The following CTNNA2 variants were observed in gnomAD, a reference collection of about 807,000 sequenced individuals.
CTNNA2 encodes catenin alpha 2.
A neutral mutation model predicts 101.0 loss-of-function variants in CTNNA2; 42 were observed. The ratio of observed to expected loss-of-function variants is 0.42; its 90% CI spans 0.32 to 0.54. The LOEUF is 0.54. Among genes scored for constraint, CTNNA2 ranks in the 20% least tolerant of loss-of-function variants. CTNNA2 has a pLI of 0.14. For synonymous variants in CTNNA2, 450 were observed against 456.4 expected (o/e 0.99, Z 0.18); for missense variants, 871 against 1,223.1 (o/e 0.71, Z 4.29).
chr2:80,448,799 T>G (rs535047268), intron 9 of CTNNA2, among the ~76,000 whole-genome samples: 2 of 152,280 alleles, frequency 1.3e-5, no homozygotes, highest in Admixed American at 1.3e-4. Flanking sequence ...TCAGAAAACC[T>G]GGAACCTAAA....
At chr2:80,465,066 G>A (rs990375026) in intron 9 of CTNNA2, among the ~76,000 whole-genome samples, 2 of 152,180 alleles carry the variant, frequency 1.3e-5, no homozygotes, top group African/African-American at 4.8e-5. Context: ...TGGGATGAGA[G>A]CTACTCAAAA....
At chr2:80,618,145 A>G (rs888821538) in intron 17 of CTNNA2, among the ~76,000 whole-genome samples, 3 of 151,872 alleles carry the variant, frequency 2.0e-5, no homozygotes, top group Admixed American at 6.6e-5. Flanking sequence ...TACTATTCTC[A>G]TGCCTTTTCT....
intron 4 of CTNNA2, among the ~76,000 whole-genome samples, chr2:79,425,220 G>A (rs1678580866): frequency 6.6e-6 from 1 of 152,156 alleles, no homozygotes; most frequent in South Asian, 2.1e-4. Context: ...AGCAGTGGAT[G>A]ATTCAAAGGC....
chr2:79,211,647 C>T (rs1238936647), intron 2 of CTNNA2, among the ~76,000 whole-genome samples: 2 of 152,126 alleles, frequency 1.3e-5, no homozygotes, highest in Non-Finnish European at 2.9e-5. Context: ...AGGCCATTTT[C>T]ATTTCTTTTG....
At chr2:80,345,799 C>G (rs997516230) in intron 7 of CTNNA2, among the ~76,000 whole-genome samples, 2 of 151,980 alleles carry the variant, frequency 1.3e-5, no homozygotes, top group African/African-American at 4.8e-5. Flanking sequence ...TACTAAAATT[C>G]TAAAGCTAAT....
chr2:80,539,639 G>C (rs1277714078), intron 9 of CTNNA2, among the ~76,000 whole-genome samples: 1 of 152,024 alleles, frequency 6.6e-6, no homozygotes, highest in East Asian at 1.9e-4. Flanking sequence ...CAAGATAACT[G>C]GTTTTAAGGT....
chr2:80,118,775 G>A lies in CTNNA2; in HGVS notation c.1056+208978G>A, dbSNP rs550511502. Among the ~76,000 whole-genome samples, 14 of 152,284 alleles carry A rather than the reference G, an allele frequency of 9.2e-5. No individual in the cohort carries two copies. In the South Asian group the frequency reaches 1.7e-3, roughly 18 times the overall value. On this transcript the variant is annotated intron_variant, in intron 7 of 18. Coordinates refer to ENST00000402739, the MANE Select transcript of CTNNA2 (RefSeq NM_001282597.3). ...TTTGAGAAGTAGCAGGCCACAGGTC[G>A]GCATCCCCAGGCAGAAAGGCCTGTA...
At chr2:80,215,021 T>C (rs190713399) in intron 7 of CTNNA2, among the ~76,000 whole-genome samples, 28 of 152,320 alleles carry the variant, frequency 1.8e-4, no homozygotes, top group African/African-American at 6.0e-4. Context: ...CTTCAATCAC[T>C]GATACCCTTT....
rs376635234 is a variant in CTNNA2 at position 80,546,018 on chromosome 2, G to T, written c.1495G>T (p.Ala499Ser). Residue 499 changes from alanine to serine, a missense_variant, in exon 11 of 19, where the codon GCC becomes TCC. By Grantham distance (99) the Ala-to-Ser change is moderately conservative (BLOSUM62 1). This residue lies in a region of CTNNA2 where 647 missense variants were observed against 831.5 expected (regional missense o/e 0.78). Transcript: ENST00000402739. ...WEKQVRVLTEAVDDITSVDDF... is the reference protein window; with the variant it reads ...WEKQVRVLTESVDDITSVDDF... ...GAAGCAGGTCCGAGTGTTGACAGAG[G>T]CCGTGGATGACATCACCTCAGTGGA... The T allele has an allele frequency of 3.1e-6, 5 of 1,613,982 alleles. No individual in the cohort carries two copies. In the African/African-American group the frequency reaches 6.7e-5, roughly 22 times the overall value.
intron 7 of CTNNA2, among the ~76,000 whole-genome samples, chr2:80,022,033 C>A (rs1187663250): frequency 6.6e-6 from 1 of 152,120 alleles, no homozygotes; most frequent in Admixed American, 6.5e-5. Context: ...TTTAGATCTG[C>A]CTCCAATATC....
At chr2:79,869,736 G>T (rs1682439740) in intron 4 of CTNNA2, 80 bp from the exon 5 acceptor site, 2 of 1,531,984 alleles carry the variant, frequency 1.3e-6, no homozygotes, top group Non-Finnish European at 1.7e-6. Flanking sequence ...AGAGTTTTTG[G>T]GTGCAAATTC....
chr2:80,169,125 C>T (rs1426225614), intron 7 of CTNNA2, among the ~76,000 whole-genome samples: 6 of 152,216 alleles, frequency 3.9e-5, no homozygotes, highest in Non-Finnish European at 5.9e-5. Flanking sequence ...ATCCAAATAG[C>T]TCCGAGCTGG....
At chr2:79,623,867 G>A (rs886177440) in intron 1 of CTNNA2, among the ~76,000 whole-genome samples, 2 of 152,058 alleles carry the variant, frequency 1.3e-5, no homozygotes, top group African/African-American at 2.4e-5. Flanking sequence ...AAATATTATA[G>A]TAAAATTATC....
intron 7 of CTNNA2, among the ~76,000 whole-genome samples, chr2:80,213,237 A>G (rs1037547562): frequency 6.6e-6 from 1 of 151,542 alleles, no homozygotes; most frequent in East Asian, 1.9e-4. Context: ...GATCTTAGTT[A>G]TTTCTTGCCT....
intron 6 of CTNNA2, among the ~76,000 whole-genome samples, chr2:79,906,658 C>G (rs1405475874): frequency 6.6e-6 from 1 of 152,126 alleles, no homozygotes; most frequent in Non-Finnish European, 1.5e-5. Context: ...ACAACAGCCC[C>G]AGGCCATGGC....
intron 7 of CTNNA2, among the ~76,000 whole-genome samples, chr2:79,972,477 G>C (rs1690551409): frequency 6.6e-6 from 1 of 152,092 alleles, no homozygotes. Context: ...CTAATTCGTG[G>C]TATGTGTGCT....
chr2:79,724,056 C>T (rs1168550293), intron 2 of CTNNA2, among the ~76,000 whole-genome samples: 1 of 152,206 alleles, frequency 6.6e-6, no homozygotes, highest in Non-Finnish European at 1.5e-5. Context: ...ACCACCATCT[C>T]AGTTCTGGAC....
chr2:80,171,452 T>G (rs1705050155), intron 7 of CTNNA2, among the ~76,000 whole-genome samples: 1 of 152,186 alleles, frequency 6.6e-6, no homozygotes, highest in Non-Finnish European at 1.5e-5. Flanking sequence ...TGTGGACAGT[T>G]TCTTAGACAG....
At chr2:80,571,464 G>A (rs1694588166) in intron 12 of CTNNA2, among the ~76,000 whole-genome samples, 2 of 152,052 alleles carry the variant, frequency 1.3e-5, no homozygotes, top group South Asian at 4.1e-4. Flanking sequence ...GATACAAAAA[G>A]AACAAAGACT....
Sources: gnomAD v4.1 joint callset for allele counts (sites outside exome capture counted in the v4.1 genomes callset) on GRCh38, gnomAD v4.1.1 for gene constraint, gnomAD v4.1.1 regional missense constraint, MANE v1.5 for transcripts, NCBI Gene and HGNC (gene_info 2026-07-23, HGNC 2026-07-21) for gene names.